The following NAALADL2 variants were observed in gnomAD, a reference collection of about 807,000 sequenced individuals.
NAALADL2 encodes the protein inactive N-acetylated-alpha-linked acidic dipeptidase-like protein 2.
A neutral mutation model predicts 87.2 loss-of-function variants in NAALADL2; 76 were observed. That is an observed-to-expected ratio of 0.87 (90% CI 0.72 to 1.05). The LOEUF (loss-of-function observed/expected upper bound fraction) is 1.05. Among genes scored for constraint, NAALADL2 ranks in the 50% least tolerant of loss-of-function variants. The pLI is 0.00. For missense variants in NAALADL2, 1,089 were observed against 945.8 expected (o/e 1.15, Z -1.99); for synonymous variants, 354 against 331.0 (o/e 1.07, Z -0.75).
At chr3:175,738,499 G>A (rs186935825) in intron 12 of NAALADL2, among the ~76,000 whole-genome samples, 5 of 152,198 alleles carry the variant, frequency 3.3e-5, no homozygotes, top group East Asian at 3.9e-4. Flanking sequence ...TGCCTGCCTC[G>A]GCCTCCCGAA....
Position 174,508,114 on chromosome 3 carries a change from G to GTTTTTTTTTTTTTGTT in NAALADL2, c.-183-42442_-183-42441insGTTTTTTTTTTTTTTT, listed in dbSNP as rs57393523. On this transcript the variant is annotated intron_variant, in intron 1 of 3. Transcript: ENST00000434257. ...AATTTTAGCTATTGGATATCTAGTG[G>GTTTTTTTTTTTTTGTT]TTTTTTTTTTTTTTTTTGAGACGAA... Among the ~76,000 whole-genome samples the GTTTTTTTTTTTTTGTT allele has an allele frequency of 8.7e-3, 904 of 103,822 alleles. 45 individuals are homozygous for GTTTTTTTTTTTTTGTT. Among genetic ancestry groups the GTTTTTTTTTTTTTGTT allele is most frequent in the Middle Eastern group, 0.013 (2 of 160 alleles). 68.1% of individuals were successfully genotyped at this position (103,822 alleles called of 152,430 possible). A position where few individuals can be genotyped will look rare whatever the true frequency, so the allele number is the denominator to read the frequency against.
chr3:174,702,409 A>G (rs1324157112), intron 2 of NAALADL2, among the ~76,000 whole-genome samples: 1 of 152,134 alleles, frequency 6.6e-6, no homozygotes, highest in African/African-American at 2.4e-5. Context: ...CAAAGTTTCA[A>G]GCACTGGGGA....
At chr3:174,694,321 G>C (rs1728836642) in intron 2 of NAALADL2, among the ~76,000 whole-genome samples, 1 of 152,042 alleles carries the variant, frequency 6.6e-6, no homozygotes, top group Non-Finnish European at 1.5e-5. Context: ...ATGTCGGACT[G>C]TTCCTAGAGG....
intron 1 of NAALADL2, among the ~76,000 whole-genome samples, chr3:174,509,708 G>A (rs1047289891): frequency 1.3e-5 from 2 of 149,960 alleles, no homozygotes; most frequent in Non-Finnish European, 3.0e-5. Context: ...TTACAGGCGT[G>A]AGCCACCGAG....
intron 11 of NAALADL2, among the ~76,000 whole-genome samples, chr3:175,678,466 A>G (rs1199956753): frequency 1.3e-5 from 2 of 152,200 alleles, no homozygotes; most frequent in African/African-American, 2.4e-5. Context: ...AAAGACTTGG[A>G]ACCAACCCAG....
rs145723349 is a variant in NAALADL2, at chr3:174,951,988, G to A, written c.43+92538G>A. Among the ~76,000 whole-genome samples the A allele has an allele frequency of 1.1e-3, 171 of 152,156 alleles. 1 individual carries two copies. The highest frequency in any genetic ancestry group is 1.1e-3 in the Non-Finnish European group (78 of 67,986). On this transcript the variant is annotated intron_variant, in intron 1 of 13. Transcript: ENST00000454872. ...TGTGTTACTCTATGCCTCTGAACAT[G>A]CTTTTTCTCTTATCTCTGTTGCCTT... is the stretch of plus-strand genomic sequence containing the variant.
Position 175,195,975 on chromosome 3 carries a change from C to T in NAALADL2, c.546-37956C>T, listed in dbSNP as rs543510774. ...TGAATAAAGAGCTTATATTTGGGGGCAAGTAGATTATTTTAATGCCTTTGA... is the reference window on the plus strand; with the variant it reads ...TGAATAAAGAGCTTATATTTGGGGGTAAGTAGATTATTTTAATGCCTTTGA... On this transcript the variant is annotated intron_variant, in intron 2 of 13. Transcript: ENST00000454872. Among the ~76,000 whole-genome samples, 8 of 151,874 alleles carry T rather than the reference C, an allele frequency of 5.3e-5. No homozygotes were observed. In the East Asian group the frequency reaches 1.5e-3, roughly 29 times the overall value.
intron 5 of NAALADL2, among the ~76,000 whole-genome samples, chr3:175,413,130 CTGCCCGCCTTGGCCTCCCAGCACTT>C (rs1713904701): frequency 1.4e-5 from 2 of 143,126 alleles, no homozygotes; most frequent in African/African-American, 5.1e-5. Context: ...ACCTCGTGAT[CTGCCCGCCTTGGCCTCCCAGCACTT>C]TGGGAGGCTG....
intron 2 of NAALADL2, among the ~76,000 whole-genome samples, chr3:175,186,594 G>A (rs1172280408): frequency 1.3e-5 from 2 of 152,032 alleles, no homozygotes; most frequent in South Asian, 2.1e-4. Context: ...GAGGTAAACT[G>A]TTTCTTTGTT....
intron 5 of NAALADL2, 131 bp from the exon 6 acceptor site, chr3:175,447,098 G>T (rs1225519293): frequency 3.5e-6 from 2 of 577,222 alleles, no homozygotes; most frequent in South Asian, 5.7e-5. Context: ...GTATAACTAA[G>T]GAGTAGATAA....
In NAALADL2 at chr3:175,423,051, ATTT is replaced by A. The variant is rs201372383; in HGVS notation, c.1091-24168_1091-24166del. On this transcript the variant is annotated intron_variant, in intron 5 of 13. Transcript: ENST00000454872. The stretch of plus-strand genomic sequence containing the variant: ...AAAATATATATATATATATATATAT[ATTT>A]TTTTTTTTTCCTGAGTTGTAGAACT... Among the ~76,000 whole-genome samples the A allele has an allele frequency of 4.2e-3, 385 of 91,492 alleles. 7 individuals carry two copies. In the East Asian group the frequency reaches 0.046, roughly 11 times the overall value. 60.0% of individuals were successfully genotyped at this position (91,492 alleles called of 152,430 possible).
intron 2 of NAALADL2, among the ~76,000 whole-genome samples, chr3:175,138,890 A>C (rs1350645350): frequency 2.0e-5 from 1 of 49,536 alleles, no homozygotes; most frequent in African/African-American, 5.9e-5. Flanking sequence ...CTTTTAAAAT[A>C]TATATATATA....
At chr3:174,581,104 T>A (rs769209066) in intron 2 of NAALADL2, among the ~76,000 whole-genome samples, 3 of 152,154 alleles carry the variant, frequency 2.0e-5, no homozygotes, top group Non-Finnish European at 4.4e-5. Flanking sequence ...AGAAATTGTT[T>A]CAAAAAATAA....
chr3:175,320,782 C>T (rs1442085546), intron 4 of NAALADL2, among the ~76,000 whole-genome samples: 9 of 151,848 alleles, frequency 5.9e-5, no homozygotes, highest in Admixed American at 3.9e-4. Context: ...CAAGACTAAA[C>T]CAGGAAGAAG....
At chr3:175,386,153 T>G (rs959829596) in intron 5 of NAALADL2, among the ~76,000 whole-genome samples, 1 of 152,114 alleles carries the variant, frequency 6.6e-6, no homozygotes, top group African/African-American at 2.4e-5. Flanking sequence ...AATATTTCTT[T>G]GCTTGATTGT....
At chr3:174,579,487 T>C (rs1388365517) in intron 2 of NAALADL2, among the ~76,000 whole-genome samples, 1 of 152,054 alleles carries the variant, frequency 6.6e-6, no homozygotes, top group African/African-American at 2.4e-5. Context: ...TCCATTTATT[T>C]GAAATTATAG....
At chr3:175,774,662 T>A (rs1749973816) in intron 13 of NAALADL2, among the ~76,000 whole-genome samples, 1 of 152,086 alleles carries the variant, frequency 6.6e-6, no homozygotes. Context: ...TGGACCTATA[T>A]AGATCTATGC....
chr3:175,266,949 T>C (rs1479249815), intron 4 of NAALADL2, among the ~76,000 whole-genome samples: 1 of 151,904 alleles, frequency 6.6e-6, no homozygotes, highest in Non-Finnish European at 1.5e-5. Context: ...TTGCTTTGTC[T>C]TACATTTTGG....
At chr3:175,680,131 G>A (rs2149878562) in intron 11 of NAALADL2, among the ~76,000 whole-genome samples, 1 of 152,194 alleles carries the variant, frequency 6.6e-6, no homozygotes, top group African/African-American at 2.4e-5. Context: ...CAGGTTCAGA[G>A]GTATTTTAAC....
Sources: gnomAD v4.1 joint callset for allele counts (sites outside exome capture counted in the v4.1 genomes callset) on GRCh38, gnomAD v4.1.1 for gene constraint, MANE v1.5 for transcripts, NCBI Gene and HGNC (gene_info 2026-07-23, HGNC 2026-07-21) for gene names.